Variants in RAPGEF2 observed in about 807,000 individuals in gnomAD.
RAPGEF2 encodes Rap guanine nucleotide exchange factor 2.
A neutral mutation model predicts 186.7 loss-of-function variants in RAPGEF2; 54 were observed. That is an observed-to-expected ratio of 0.29 (90% confidence interval 0.23 to 0.36). The LOEUF (loss-of-function observed/expected upper bound fraction) is 0.36, where lower values mean the gene tolerates loss of function less well. RAPGEF2 is among the 10% of genes least tolerant of loss of function. The probability of loss-of-function intolerance (pLI) is 1.00; values close to 1 mark genes in which losing one functional copy is unlikely to be tolerated. For synonymous variants in RAPGEF2, 712 were observed against 705.9 expected (o/e 1.01, Z -0.14); for missense variants, 1,532 against 2,045.0 (o/e 0.75, Z 4.84).
chr4:159,282,068 A>C (rs1759793019), intron 7 of RAPGEF2, among the ~76,000 whole-genome samples: 1 of 152,196 alleles, frequency 6.6e-6, no homozygotes, highest in Admixed American at 6.5e-5. Context: ...TGCATACTTC[A>C]TAGGTTTTTG....
At chr4:159,129,612 A>G (rs1160415251) in intron 1 of RAPGEF2, among the ~76,000 whole-genome samples, 1 of 152,236 alleles carries the variant, frequency 6.6e-6, no homozygotes, top group African/African-American at 2.4e-5. Flanking sequence ...TTAAGAACAA[A>G]TAACTGATTT....
intron 4 of RAPGEF2, among the ~76,000 whole-genome samples, chr4:159,214,001 T>A (rs1750768596): frequency 6.6e-6 from 1 of 152,246 alleles, no homozygotes; most frequent in South Asian, 2.1e-4. Context: ...CTTATTTGAT[T>A]TACAGTTTGT....
chr4:159,309,615 G>A (rs1333775871), intron 8 of RAPGEF2, among the ~76,000 whole-genome samples: 1 of 152,200 alleles, frequency 6.6e-6, no homozygotes, highest in African/African-American at 2.4e-5. Flanking sequence ...GCAGATGGGG[G>A]CAGGTTGAAA....
intron 7 of RAPGEF2, among the ~76,000 whole-genome samples, chr4:159,282,113 C>T (rs763955704): frequency 5.3e-5 from 8 of 152,178 alleles, no homozygotes; most frequent in Non-Finnish European, 7.3e-5. Flanking sequence ...GCCTGACACA[C>T]GGTGGCATCC....
At chr4:159,246,741 C>T (rs1250682229) in intron 7 of RAPGEF2, among the ~76,000 whole-genome samples, 1 of 152,144 alleles carries the variant, frequency 6.6e-6, no homozygotes, top group Non-Finnish European at 1.5e-5. Flanking sequence ...TATTTTTACT[C>T]ATATCATGTC....
intron 1 of RAPGEF2, among the ~76,000 whole-genome samples, chr4:159,181,599 G>T (rs539247544): frequency 0.018 from 2,297 of 126,958 alleles, 36 homozygotes; most frequent in Non-Finnish European, 0.027. Context: ...TTTTTTTTGA[G>T]ATGGGGTCTC....
chr4:159,121,342 T>TC (rs1304190126), intron 1 of RAPGEF2, among the ~76,000 whole-genome samples: 46 of 142,986 alleles, frequency 3.2e-4, no homozygotes, highest in Non-Finnish European at 6.4e-4. Context: ...TCCCCTCCCC[T>TC]CCCCTTCCTC....
rs538871861 is a variant in RAPGEF2, at chr4:159,352,772, A to T, written c.3953A>T (p.Asn1318Ile). The T allele has an allele frequency of 9.3e-6, 15 of 1,614,196 alleles. 1 individual carries two copies. In the South Asian group the frequency reaches 1.6e-4, roughly 18 times the overall value. Residue 1318 changes from asparagine to isoleucine, a missense_variant, in exon 27 of 30, where the codon AAT becomes ATT. This residue lies in a region of RAPGEF2 where 594 missense variants were observed against 608.5 expected (regional missense o/e 0.98). Coordinates refer to ENST00000691494, the MANE Select transcript of RAPGEF2 (RefSeq NM_001394067.2). ...TCTTCACGATCCAGTATTGTTAGCAATTCGTCTTTTGACTCAGTGCCAGTC... is the reference window on the plus strand; with the variant it reads ...TCTTCACGATCCAGTATTGTTAGCATTTCGTCTTTTGACTCAGTGCCAGTC... The part of the protein sequence containing the change: ...EISSRSSIVS[N>I]SSFDSVPVSL...
intron 7 of RAPGEF2, 96 bp from the exon 8 acceptor site, chr4:159,304,246 A>G: frequency 6.9e-6 from 8 of 1,153,764 alleles, no homozygotes; most frequent in South Asian, 3.6e-5. Flanking sequence ...TTTTAGTTCA[A>G]TGGTATAGAA....
chr4:159,260,958 C>T (rs1003614854), intron 7 of RAPGEF2, among the ~76,000 whole-genome samples: 1 of 152,200 alleles, frequency 6.6e-6, no homozygotes, highest in Non-Finnish European at 1.5e-5. Flanking sequence ...CCATATTGGT[C>T]AGGCTGGTCT....
intron 3 of RAPGEF2, among the ~76,000 whole-genome samples, chr4:159,198,310 C>A (rs201845051): frequency 1.5e-5 from 1 of 65,076 alleles, no homozygotes; most frequent in Non-Finnish European, 3.1e-5. Context: ...TTCTTTCTTT[C>A]TTTCTTTCTT....
chr4:159,138,403 A>G (rs763566161), intron 1 of RAPGEF2, among the ~76,000 whole-genome samples: 3 of 152,220 alleles, frequency 2.0e-5, no homozygotes, highest in Non-Finnish European at 4.4e-5. Context: ...GTTTGGTAAT[A>G]GTTTTCACTG....
chr4:159,340,707 A>ACACACAC (rs869035959), intron 19 of RAPGEF2, among the ~76,000 whole-genome samples: 1 of 140,692 alleles, frequency 7.1e-6, no homozygotes, highest in African/African-American at 2.8e-5. Context: ...ACACACACAC[A>ACACACAC]TTTATGGAAT....
chr4:159,340,139 A>G (rs758091946), intron 19 of RAPGEF2, among the ~76,000 whole-genome samples: 4 of 152,042 alleles, frequency 2.6e-5, no homozygotes, highest in Non-Finnish European at 5.9e-5. Context: ...CATAAATCAT[A>G]TTTTTTCTAT....
At chr4:159,203,007 A>G (rs1434331993) in intron 3 of RAPGEF2, among the ~76,000 whole-genome samples, 1 of 152,128 alleles carries the variant, frequency 6.6e-6, no homozygotes, top group African/African-American at 2.4e-5. Flanking sequence ...CCCTCTAATA[A>G]TTGTCTTTGC....
At chr4:159,299,833 ATTTACT>A (rs1181130357) in intron 7 of RAPGEF2, among the ~76,000 whole-genome samples, 3 of 151,962 alleles carry the variant, frequency 2.0e-5, no homozygotes, top group Non-Finnish European at 4.4e-5. Flanking sequence ...AATGTGTAGA[ATTTACT>A]TTTACAAAGC....
At chr4:159,242,120 A>G (rs913668053) in intron 6 of RAPGEF2, among the ~76,000 whole-genome samples, 1 of 152,014 alleles carries the variant, frequency 6.6e-6, no homozygotes, top group Non-Finnish European at 1.5e-5. Context: ...TGCTTTGTTC[A>G]AGATCTCAAT....
intron 7 of RAPGEF2, among the ~76,000 whole-genome samples, chr4:159,258,954 T>A (rs143535381): frequency 6.6e-6 from 1 of 152,284 alleles, no homozygotes; most frequent in Non-Finnish European, 1.5e-5. Context: ...TTTAGAATAT[T>A]TTAGAGAGAA....
chr4:159,191,466 C>A (rs1057232511), intron 2 of RAPGEF2, among the ~76,000 whole-genome samples: 2 of 152,202 alleles, frequency 1.3e-5, no homozygotes, highest in Middle Eastern at 3.4e-3. Flanking sequence ...TCAGGCCGGG[C>A]GCGATGGCTA....
Sources: allele counts gnomAD v4.1 joint callset (sites outside exome capture counted in the v4.1 genomes callset), GRCh38; gene constraint gnomAD v4.1.1; regional missense constraint gnomAD v4.1.1; transcripts MANE v1.5; gene names NCBI Gene and HGNC (gene_info 2026-07-23, HGNC 2026-07-21).